RPRD1A: variants seen among roughly 807,000 people sequenced by gnomAD.
RPRD1A encodes regulation of nuclear pre-mRNA domain containing 1A, also known as regulation of nuclear pre-mRNA domain-containing protein 1A.
Under a neutral mutation model 37.8 loss-of-function variants are expected in RPRD1A, and 9 were observed. That is an observed-to-expected ratio of 0.24 (90% confidence interval 0.14 to 0.42). RPRD1A has a LOEUF of 0.42. Among genes scored for constraint, RPRD1A ranks in the 10% least tolerant of loss-of-function variants. RPRD1A has a pLI of 1.00. For synonymous variants in RPRD1A, 138 were observed against 139.7 expected, an observed-to-expected ratio of 0.99 and a Z score of 0.08; for missense variants, 255 against 371.0, an observed-to-expected ratio of 0.69 and a Z score of 2.57.
At chr18:36,025,607 G>A (rs755392610) in intron 6 of RPRD1A, 65 of 1,284,196 alleles carry the variant, frequency 5.1e-5, no homozygotes, top group Non-Finnish European at 6.6e-5. Context: ...TTCAGGGTTT[G>A]ATATTTATTT....
intron 1 of RPRD1A, among the ~76,000 whole-genome samples, chr18:36,053,805 A>G (rs1179808657): frequency 6.6e-6 from 1 of 152,198 alleles, no homozygotes; most frequent in Non-Finnish European, 1.5e-5. Context: ...ATGTTAGTAA[A>G]TATGAGAACC....
At chr18:36,053,249 G>C (rs1209366950) in intron 1 of RPRD1A, among the ~76,000 whole-genome samples, 1 of 152,088 alleles carries the variant, frequency 6.6e-6, no homozygotes, top group Non-Finnish European at 1.5e-5. Context: ...GCATTTGTAA[G>C]GTTATGTAAC....
chr18:36,025,921 C>A lies in RPRD1A; in HGVS notation c.789+979G>T, dbSNP rs1911336505. 15 of 242,048 alleles carry A rather than the reference C, an allele frequency of 6.2e-5. No homozygotes were observed. In the South Asian group the frequency reaches 7.1e-4, roughly 11 times the overall value. 15.0% of individuals were successfully genotyped at this position (242,048 alleles called of 1,614,324 possible). A position where few individuals can be genotyped will look rare whatever the true frequency, so the allele number is the denominator to read the frequency against. The stretch of plus-strand genomic sequence containing the variant: ...AACCTCTTCAAAGGTATAGTGGCCA[C>A]CAACTATCATCATCTGAGGGTATTT... On this transcript the variant is annotated intron_variant, in intron 6 of 6. Coordinates refer to ENST00000399022, the MANE Select transcript of RPRD1A (RefSeq NM_018170.5).
chr18:36,032,368 G>A (rs1358783739), intron 2 of RPRD1A, among the ~76,000 whole-genome samples: 7 of 152,106 alleles, frequency 4.6e-5, no homozygotes, highest in African/African-American at 1.4e-4. Context: ...GACTTAAGGC[G>A]GAAAGAACTA....
intron 6 of RPRD1A, among the ~76,000 whole-genome samples, chr18:35,998,668 C>T (rs1909238965): frequency 6.6e-6 from 1 of 152,178 alleles, no homozygotes; most frequent in African/African-American, 2.4e-5. Flanking sequence ...ATCCAAGCCC[C>T]TCCAGTCTTC....
intron 1 of RPRD1A, among the ~76,000 whole-genome samples, chr18:36,038,220 C>A (rs1394201997): frequency 6.6e-6 from 1 of 152,210 alleles, no homozygotes; most frequent in East Asian, 1.9e-4. Flanking sequence ...TCTCCCATCA[C>A]AGGCCCAGAG....
intron 4 of RPRD1A, chr18:36,027,963 T>G (rs1390664710): frequency 6.6e-6 from 1 of 152,166 alleles, no homozygotes; most frequent in Non-Finnish European, 1.5e-5. Context: ...ATTTTATCAT[T>G]AAAATATTTT....
At chr18:36,037,997 C>G (rs920633817) in intron 1 of RPRD1A, among the ~76,000 whole-genome samples, 1 of 151,988 alleles carries the variant, frequency 6.6e-6, no homozygotes, top group Non-Finnish European at 1.5e-5. Flanking sequence ...CACAAAGATA[C>G]GGTTTGGAAT....
Position 35,992,316 on chromosome 18 carries a change from G to A in RPRD1A, c.*835C>T, listed in dbSNP as rs928736835. On this transcript the variant is annotated 3_prime_UTR_variant, in exon 7 of 7. Transcript: ENST00000399022. ...TCACGTGTCTTTTAATCCCATAGAC[G>A]GCTTTTTGTTAAAGGGATTAATTAT... is the stretch of plus-strand genomic sequence containing the variant. The A allele has an allele frequency of 3.3e-5, 5 of 152,224 alleles. No homozygotes were observed. The highest frequency in any genetic ancestry group is 7.4e-5 in the Non-Finnish European group (5 of 67,972). 9.4% of individuals were successfully genotyped at this position (152,224 alleles called of 1,614,324 possible).
At chr18:36,037,618 G>A (rs926164666) in intron 1 of RPRD1A, among the ~76,000 whole-genome samples, 2 of 152,214 alleles carry the variant, frequency 1.3e-5, no homozygotes, top group African/African-American at 4.8e-5. Context: ...AAGCCACTTT[G>A]GAACTGGGTA....
rs1286105755 is a variant in RPRD1A at position 36,067,526 on chromosome 18, G to A, written c.-122C>T. Reference sequence around the variant, plus strand: ...TCCCCACGCTCTCACCACGGCCGCCGCTTCATCCAAGACCGGCCGCAAACC... The same window carrying A: ...TCCCCACGCTCTCACCACGGCCGCCACTTCATCCAAGACCGGCCGCAAACC... On this transcript the variant is annotated 5_prime_UTR_variant, in exon 1 of 7. Transcript: ENST00000399022. The A allele has an allele frequency of 1.1e-5, 12 of 1,069,884 alleles. No individual in the cohort carries two copies. The highest frequency in any genetic ancestry group is 2.1e-4 in the Middle Eastern group (1 of 4,696). The allele number at this position is 1,069,884 out of a possible 1,614,324, so 66.3% of individuals were successfully genotyped here. A position where few individuals can be genotyped will look rare whatever the true frequency, so the allele number is the denominator to read the frequency against.
intron 1 of RPRD1A, among the ~76,000 whole-genome samples, chr18:36,066,504 AT>A (rs1261719991): frequency 1.3e-5 from 2 of 152,246 alleles, no homozygotes; most frequent in Non-Finnish European, 2.9e-5. Context: ...CACTAGGATA[AT>A]TTTTTACAAA....
intron 2 of RPRD1A, among the ~76,000 whole-genome samples, chr18:36,033,196 C>A (rs1418423219): frequency 6.8e-6 from 1 of 146,214 alleles, no homozygotes; most frequent in Non-Finnish European, 1.5e-5. Flanking sequence ...CAGCTACTTG[C>A]GAGGCTGAAG....
intron 1 of RPRD1A, among the ~76,000 whole-genome samples, chr18:36,055,783 T>G (rs572180549): frequency 6.6e-6 from 1 of 152,218 alleles, no homozygotes; most frequent in East Asian, 1.9e-4. Flanking sequence ...AAAGCATGTC[T>G]GAGAGGGTGG....
At chr18:35,994,020 C>T (rs200653434) in intron 6 of RPRD1A, among the ~76,000 whole-genome samples, 1 of 151,554 alleles carries the variant, frequency 6.6e-6, no homozygotes, top group Non-Finnish European at 1.5e-5. Flanking sequence ...GCAGAAGAGG[C>T]AAGCCAAGAC....
chr18:36,039,538 T>C (rs1375008203), intron 1 of RPRD1A, among the ~76,000 whole-genome samples: 1 of 152,224 alleles, frequency 6.6e-6, no homozygotes, highest in Admixed American at 6.5e-5. Context: ...TAAAATGTCA[T>C]CTCTAGTTCC....
At chr18:36,062,968 G>A (rs1201161576) in intron 1 of RPRD1A, 2 of 152,030 alleles carry the variant, frequency 1.3e-5, no homozygotes, top group African/African-American at 4.8e-5. Context: ...GTAACAAAAT[G>A]GTCACTTACA....
chr18:36,043,807 T>C (rs1912765814), intron 1 of RPRD1A, among the ~76,000 whole-genome samples: 1 of 152,168 alleles, frequency 6.6e-6, no homozygotes, highest in Non-Finnish European at 1.5e-5. Flanking sequence ...GTTATCCTCA[T>C]TTTACCAATG....
chr18:36,056,416 T>C (rs1414384281), intron 1 of RPRD1A, among the ~76,000 whole-genome samples: 1 of 152,054 alleles, frequency 6.6e-6, no homozygotes, highest in African/African-American at 2.4e-5. Flanking sequence ...GCCTCCCAAG[T>C]AGCTGGGATT....
Sources: gnomAD v4.1 joint callset for allele counts (sites outside exome capture counted in the v4.1 genomes callset) on GRCh38, gnomAD v4.1.1 for gene constraint, MANE v1.5 for transcripts, NCBI Gene and HGNC (gene_info 2026-07-23, HGNC 2026-07-21) for gene names.